UBE2N: variants seen among roughly 807,000 people sequenced by gnomAD.
The protein encoded by UBE2N is ubiquitin conjugating enzyme E2 N.
For missense variants in UBE2N, 60 were observed against 192.1 expected, an observed-to-expected ratio of 0.31 and a Z score of 4.07; for synonymous variants, 70 against 69.2, an observed-to-expected ratio of 1.01 and a Z score of -0.06.
chr12:93,430,356 C>T (rs920562827), intron 1 of UBE2N, among the ~76,000 whole-genome samples: 5 of 152,092 alleles, frequency 3.3e-5, no homozygotes, highest in African/African-American at 1.2e-4. Context: ...GCCTATGGTG[C>T]ATTTCTCAGA....
Position 93,405,752 on chromosome 12 carries a change from CTTT to C in UBE2N, c.*4284_*4286del, listed in dbSNP as rs1334054741. ...AAATTATTACATTCAGCATGTTTTG[CTTT>C]TTATGTTATTTAAAGTATAAACCCT... On this transcript the variant is annotated 3_prime_UTR_variant, in exon 4 of 4. Transcript: ENST00000318066. 1 of 152,138 alleles carries C rather than the reference CTTT, an allele frequency of 6.6e-6. No individual in the cohort carries two copies. Among genetic ancestry groups the C allele is most frequent in the African/African-American group, 2.4e-5 (1 of 41,430 alleles). The allele number at this position is 152,138 out of a possible 1,614,324, so 9.4% of individuals were successfully genotyped here.
At chr12:93,438,927 T>C (rs189145499) in intron 1 of UBE2N, among the ~76,000 whole-genome samples, 1 of 152,340 alleles carries the variant, frequency 6.6e-6, no homozygotes, top group Non-Finnish European at 1.5e-5. Flanking sequence ...GTTACACTAA[T>C]CAAGATCCAA....
chr12:93,431,525 A>T (rs1291506622), intron 1 of UBE2N, among the ~76,000 whole-genome samples: 2 of 152,166 alleles, frequency 1.3e-5, no homozygotes, highest in African/African-American at 4.8e-5. Flanking sequence ...TAAAACTGCA[A>T]TTAGAATTAA....
intron 1 of UBE2N, chr12:93,441,302 G>A (rs1222115381): frequency 6.6e-6 from 1 of 152,372 alleles, no homozygotes; most frequent in African/African-American, 2.4e-5. Context: ...CAGGACGCGC[G>A]GGCCTCCCAG....
At chr12:93,419,384 C>T (rs1427907262) in intron 1 of UBE2N, among the ~76,000 whole-genome samples, 1 of 150,588 alleles carries the variant, frequency 6.6e-6, no homozygotes, top group Non-Finnish European at 1.5e-5. Flanking sequence ...GAGTGAAACT[C>T]CGTCTCAAAA....
At chr12:93,421,940 T>C (rs544747871) in intron 1 of UBE2N, among the ~76,000 whole-genome samples, 1 of 152,322 alleles carries the variant, frequency 6.6e-6, no homozygotes, top group East Asian at 1.9e-4. Context: ...TCATTGTGAG[T>C]AGTCAAGGTC....
At chr12:93,430,989 G>A (rs1878750621) in intron 1 of UBE2N, among the ~76,000 whole-genome samples, 1 of 150,044 alleles carries the variant, frequency 6.7e-6, no homozygotes, top group Non-Finnish European at 1.5e-5. Context: ...AGCACTTTGG[G>A]AGGCCAAGGC....
intron 1 of UBE2N, among the ~76,000 whole-genome samples, chr12:93,420,487 T>C (rs936276787): frequency 3.9e-5 from 6 of 152,230 alleles, no homozygotes; most frequent in African/African-American, 1.4e-4. Context: ...TCCAGTTTCC[T>C]GTTCATTACC....
rs1877788016 is a variant in UBE2N at position 93,405,939 on chromosome 12, T to C, written c.*4100A>G. 6.6e-6 allele frequency: 1 copy of C among 152,110 alleles called. No homozygotes were observed. Among genetic ancestry groups the C allele is most frequent in the Non-Finnish European group, 1.5e-5 (1 of 68,014 alleles). 9.4% of individuals were successfully genotyped at this position (152,110 alleles called of 1,614,324 possible). A position where few individuals can be genotyped will look rare whatever the true frequency, so the allele number is the denominator to read the frequency against. On this transcript the variant is annotated 3_prime_UTR_variant, in exon 4 of 4. Coordinates refer to ENST00000318066, the MANE Select transcript of UBE2N (RefSeq NM_003348.4). ...TATTTTCTTTTTTGGCCAGCTTTTC[T>C]AGATAAGGTTGTATTGCTACTGCAA...
intron 1 of UBE2N, among the ~76,000 whole-genome samples, chr12:93,416,713 C>T (rs890497384): frequency 6.6e-6 from 1 of 151,588 alleles, no homozygotes; most frequent in Admixed American, 6.6e-5. Flanking sequence ...TATCTTTTGG[C>T]ACAAATAATT....
At chr12:93,411,434 A>G (rs1878027829) in intron 1 of UBE2N, 135 bp from the exon 2 acceptor site, 1 of 1,284,180 alleles carries the variant, frequency 7.8e-7, no homozygotes, top group South Asian at 1.9e-5. Flanking sequence ...TAGCTTATAA[A>G]ATGCAAAATT....
At chr12:93,438,341 A>C (rs1370202267) in intron 1 of UBE2N, among the ~76,000 whole-genome samples, 2 of 152,190 alleles carry the variant, frequency 1.3e-5, no homozygotes, top group African/African-American at 4.8e-5. Context: ...AAACTGGTTT[A>C]TACGGGACAG....
At chr12:93,437,772 G>A (rs80098501) in intron 1 of UBE2N, among the ~76,000 whole-genome samples, 1 of 152,166 alleles carries the variant, frequency 6.6e-6, no homozygotes, top group African/African-American at 2.4e-5. Context: ...CTGGGCAACA[G>A]GGGGAGACTC....
intron 1 of UBE2N, 68 bp from the exon 2 acceptor site, chr12:93,411,367 G>T (rs1878025277): frequency 6.5e-7 from 1 of 1,531,672 alleles, no homozygotes; most frequent in African/African-American, 1.4e-5. Context: ...AGTAAAATTA[G>T]AAAGTTCATC....
intron 1 of UBE2N, among the ~76,000 whole-genome samples, chr12:93,430,091 C>T (rs1878715336): frequency 6.6e-6 from 1 of 152,152 alleles, no homozygotes; most frequent in South Asian, 2.1e-4. Flanking sequence ...TGCAAGCTTC[C>T]TTCATGGTTA....
intron 1 of UBE2N, among the ~76,000 whole-genome samples, chr12:93,420,084 T>G (rs1878359398): frequency 6.6e-6 from 1 of 152,196 alleles, no homozygotes; most frequent in South Asian, 2.1e-4. Flanking sequence ...TCAAAATTTC[T>G]TAGGTGGCAG....
chr12:93,419,283 G>A lies in UBE2N; in HGVS notation c.31-7984C>T, dbSNP rs138812186. On this transcript the variant is annotated intron_variant, in intron 1 of 3. Coordinates refer to ENST00000318066, the MANE Select transcript of UBE2N (RefSeq NM_003348.4). ...TGCATGCCTGTAATCCCAGCTACTC[G>A]GGAGGCTGAGGCAGGAGAATCACTT... 3.3e-3 allele frequency among the ~76,000 whole-genome samples: 497 copies of A among 152,132 alleles called. 5 individuals are homozygous for A. Among genetic ancestry groups the A allele is most frequent in the African/African-American group, 0.011 (445 of 41,508 alleles).
intron 1 of UBE2N, among the ~76,000 whole-genome samples, chr12:93,423,734 ATACTT>A (rs1485828522): frequency 1.3e-5 from 2 of 152,196 alleles, no homozygotes; most frequent in Non-Finnish European, 2.9e-5. Context: ...AATTGTCTGA[ATACTT>A]TATTATTATT....
chr12:93,427,225 A>G (rs1419529588), intron 1 of UBE2N, among the ~76,000 whole-genome samples: 3 of 152,184 alleles, frequency 2.0e-5, no homozygotes, highest in Non-Finnish European at 4.4e-5. Flanking sequence ...CAGCCATGAG[A>G]CAATTCTTAT....
Sources: allele counts gnomAD v4.1 joint callset (sites outside exome capture counted in the v4.1 genomes callset), GRCh38; gene constraint gnomAD v4.1.1; transcripts MANE v1.5; gene names NCBI Gene and HGNC (gene_info 2026-07-23, HGNC 2026-07-21).